Variants in NCOA1 observed in about 807,000 individuals in gnomAD.
NCOA1 encodes nuclear receptor coactivator 1, also known as Hin-2 protein.
A neutral mutation model predicts 150.9 loss-of-function variants in NCOA1; 35 were observed. The observed-to-expected ratio is 0.23, with a 90% CI of 0.18 to 0.31. The LOEUF (loss-of-function observed/expected upper bound fraction) is 0.31, where lower values mean the gene tolerates loss of function less well. NCOA1 is among the 10% of genes least tolerant of loss of function. The pLI, the probability that NCOA1 is intolerant of heterozygous loss-of-function variation, is 1.00. For missense variants in NCOA1, 1,491 were observed against 1,749.3 expected, an observed-to-expected ratio of 0.85 and a Z score of 2.63; for synonymous variants, 590 against 630.0, an observed-to-expected ratio of 0.94 and a Z score of 0.95.
intron 1 of NCOA1, among the ~76,000 whole-genome samples, chr2:24,507,069 G>A (rs1663727085): frequency 6.6e-6 from 1 of 152,184 alleles, no homozygotes. Flanking sequence ...CAGTAGTACT[G>A]TTACTATTAG....
Position 24,495,841 on chromosome 2 carries a change from C to T in NCOA1, c.-396+4239C>T, listed in dbSNP as rs142196080. ...GTTTTTATATTTAAAATTGGAGTAA[C>T]GTACTTGTCCTCATATTGTAATCTT... On this transcript the variant is annotated intron_variant, in intron 1 of 22. Coordinates refer to ENST00000348332, the MANE Select transcript of NCOA1 (RefSeq NM_003743.5). Among the ~76,000 whole-genome samples, 1,473 of 152,260 alleles carry T rather than the reference C, an allele frequency of 9.7e-3. 35 individuals carry two copies. The highest frequency in any genetic ancestry group is 0.043 in the Admixed American group (654 of 15,274).
At chr2:24,624,628 A>C (rs1451621694) in intron 3 of NCOA1, among the ~76,000 whole-genome samples, 1 of 152,192 alleles carries the variant, frequency 6.6e-6, no homozygotes, top group Non-Finnish European at 1.5e-5. Flanking sequence ...TACTTGTTCA[A>C]ATGCTACTGA....
At chr2:24,583,821 CAT>C (rs1424060369) in intron 2 of NCOA1, among the ~76,000 whole-genome samples, 1 of 152,046 alleles carries the variant, frequency 6.6e-6, no homozygotes, top group Non-Finnish European at 1.5e-5. Flanking sequence ...CATTTTCACT[CAT>C]ATTGTGGGAG....
At chr2:24,631,031 A>G (rs1266147044) in intron 3 of NCOA1, among the ~76,000 whole-genome samples, 2 of 152,170 alleles carry the variant, frequency 1.3e-5, no homozygotes, top group African/African-American at 2.4e-5. Context: ...GTCATCATTG[A>G]TAAGAAAGTT....
chr2:24,514,350 T>C (rs1339568178), intron 1 of NCOA1, among the ~76,000 whole-genome samples: 19 of 151,538 alleles, frequency 1.3e-4, no homozygotes, highest in Admixed American at 8.6e-4. Flanking sequence ...AAAATTTTTT[T>C]ATCTCTGAGT....
rs1283148777 is a variant in NCOA1, at chr2:24,633,203, G to A, written c.-174-10763G>A. Among the ~76,000 whole-genome samples, 5 of 151,824 alleles carry A rather than the reference G, an allele frequency of 3.3e-5. 1 individual carries two copies. The highest frequency in any genetic ancestry group is 3.3e-4 in the Admixed American group (5 of 15,226). ...ATATGTGCATGCAGAAAGACTGGAT[G>A]CTGCACCCATAAAGCAAGAATGGGA... is the stretch of plus-strand genomic sequence containing the variant. On this transcript the variant is annotated intron_variant, in intron 3 of 22. Coordinates refer to ENST00000348332, the MANE Select transcript of NCOA1 (RefSeq NM_003743.5).
chr2:24,623,940 G>A (rs978075207), intron 3 of NCOA1, among the ~76,000 whole-genome samples: 3 of 152,160 alleles, frequency 2.0e-5, no homozygotes, highest in African/African-American at 7.2e-5. Context: ...AACTTGAGAA[G>A]GGGACACAAT....
chr2:24,534,118 A>C (rs1167599434), intron 1 of NCOA1, among the ~76,000 whole-genome samples: 1 of 152,122 alleles, frequency 6.6e-6, no homozygotes. Flanking sequence ...CCTCAATTTC[A>C]GAGCCTGTTA....
At chr2:24,704,213 A>G (rs1673300236) in intron 11 of NCOA1, among the ~76,000 whole-genome samples, 1 of 152,238 alleles carries the variant, frequency 6.6e-6, no homozygotes, top group Admixed American at 6.5e-5. Context: ...ATATTTATAA[A>G]TAACTTGTCA....
chr2:24,557,445 C>T (rs1009371881), intron 1 of NCOA1, among the ~76,000 whole-genome samples: 1 of 151,924 alleles, frequency 6.6e-6, no homozygotes, highest in African/African-American at 2.4e-5. Context: ...AAAAAGTAGT[C>T]TTTTATATTT....
At chr2:24,695,286 T>G (rs1007721582) in intron 10 of NCOA1, among the ~76,000 whole-genome samples, 3 of 152,038 alleles carry the variant, frequency 2.0e-5, no homozygotes, top group African/African-American at 7.2e-5. Context: ...TAACTATATA[T>G]ATATAGAGAG....
chr2:24,741,801 A>C lies in NCOA1; in HGVS notation c.3321A>C (p.Gln1107His). 1 of 1,613,254 alleles carries C rather than the reference A, an allele frequency of 6.2e-7. No homozygotes were observed. Among genetic ancestry groups the C allele is most frequent in the Non-Finnish European group, 8.5e-7 (1 of 1,179,538 alleles). Reference protein sequence around the residue: ...QITPQPPLNAQMLAQRQRELY... With the variant: ...QITPQPPLNAHMLAQRQRELY... The stretch of plus-strand genomic sequence containing the variant: ...CTTTTCAGCCACCCCTGAATGCTCA[A>C]ATGTTGGCACAACGTCAGCGGGAAC... The change falls in exon 19 of 23, where the codon CAA becomes CAC. Residue 1107 changes from glutamine to histidine, a missense_variant. Transcript: ENST00000348332.
intron 1 of NCOA1, among the ~76,000 whole-genome samples, chr2:24,543,146 G>T (rs1369198024): frequency 6.6e-6 from 1 of 152,166 alleles, no homozygotes; most frequent in East Asian, 1.9e-4. Flanking sequence ...GCTCCATCTA[G>T]GGGCTTATGG....
At chr2:24,521,854 A>G (rs777688841) in intron 1 of NCOA1, among the ~76,000 whole-genome samples, 1 of 152,178 alleles carries the variant, frequency 6.6e-6, no homozygotes, top group Non-Finnish European at 1.5e-5. Flanking sequence ...CCAACAATGT[A>G]TAAGGTTTCC....
At chr2:24,657,221 AGGG>A (rs386644085) in intron 4 of NCOA1, among the ~76,000 whole-genome samples, 22,962 of 152,194 alleles carry the variant, frequency 0.15, 2,130 homozygotes, top group Non-Finnish European at 0.21. Flanking sequence ...ATACTTAAGC[AGGG>A]ATGCTTTTGC....
At chr2:24,538,361 A>G (rs955992404) in intron 1 of NCOA1, among the ~76,000 whole-genome samples, 1 of 152,214 alleles carries the variant, frequency 6.6e-6, no homozygotes, top group Non-Finnish European at 1.5e-5. Flanking sequence ...AACTATTAAG[A>G]TGGTATTATC....
chr2:24,495,408 A>G (rs1289443651), intron 1 of NCOA1, among the ~76,000 whole-genome samples: 2 of 152,176 alleles, frequency 1.3e-5, no homozygotes, highest in Non-Finnish European at 2.9e-5. Context: ...TTATGCCAAA[A>G]TAGAAGCTCT....
intron 1 of NCOA1, among the ~76,000 whole-genome samples, chr2:24,497,891 T>C (rs187704827): frequency 6.6e-6 from 1 of 152,384 alleles, no homozygotes; most frequent in African/African-American, 2.4e-5. Flanking sequence ...TTGGTCATTC[T>C]CTGTGTTTCC....
intron 1 of NCOA1, among the ~76,000 whole-genome samples, chr2:24,558,666 A>G (rs1666176917): frequency 6.6e-6 from 1 of 152,190 alleles, no homozygotes; most frequent in Admixed American, 6.5e-5. Context: ...ATCAAAAGCG[A>G]AACACCGAAG....
Sources: gnomAD v4.1 joint callset for allele counts (sites outside exome capture counted in the v4.1 genomes callset) on GRCh38, gnomAD v4.1.1 for gene constraint, MANE v1.5 for transcripts, NCBI Gene and HGNC (gene_info 2026-07-23, HGNC 2026-07-21) for gene names.